AEBP2: variants seen among roughly 807,000 people sequenced by gnomAD.
AEBP2 encodes AE binding protein 2.
In AEBP2, 10 loss-of-function variants were observed where a neutral mutation model predicts 50.8. The observed-to-expected ratio is 0.20, with a 90% CI of 0.12 to 0.33. AEBP2 has a LOEUF of 0.33. Among genes scored for constraint, AEBP2 ranks in the 10% least tolerant of loss-of-function variants. The pLI is 1.00. For synonymous variants in AEBP2, 296 were observed against 261.3 expected (o/e 1.13, Z -1.28); for missense variants, 570 against 688.0 (o/e 0.83, Z 1.92).
chr12:19,460,183 T>G (rs765876483), intron 1 of AEBP2, among the ~76,000 whole-genome samples: 1 of 152,162 alleles, frequency 6.6e-6, no homozygotes, highest in Non-Finnish European at 1.5e-5. Context: ...CACTATAGGC[T>G]TGGCAACGGA....
chr12:19,457,776 C>CG, intron 1 of AEBP2: 1 of 418,416 alleles, frequency 2.4e-6, no homozygotes, highest in East Asian at 5.4e-5. Context: ...CAGCATCAAG[C>CG]GGGCACTTGT....
intron 1 of AEBP2, among the ~76,000 whole-genome samples, chr12:19,453,125 G>A (rs1948195701): frequency 6.6e-6 from 1 of 151,408 alleles, no homozygotes; most frequent in Non-Finnish European, 1.5e-5. Context: ...CCCGCCACCA[G>A]CCCCGGATGA....
upstream of AEBP2, among the ~76,000 whole-genome samples, chr12:19,434,917 A>G (rs1360805946): frequency 6.6e-6 from 1 of 152,160 alleles, no homozygotes; most frequent in Non-Finnish European, 1.5e-5. Context: ...TATAAATACC[A>G]CAGCTAAAAT....
At chr12:19,410,318 C>T (rs1031803234) in intron 1 of AEBP2, among the ~76,000 whole-genome samples, 4 of 152,180 alleles carry the variant, frequency 2.6e-5, no homozygotes, top group Non-Finnish European at 2.9e-5. Context: ...GAACTTTCTG[C>T]CACTATTCTT....
At chr12:19,450,834 C>T (rs1374800538) in intron 1 of AEBP2, among the ~76,000 whole-genome samples, 9 of 132,844 alleles carry the variant, frequency 6.8e-5, no homozygotes, top group African/African-American at 2.6e-4. Flanking sequence ...AAGAGTGAGA[C>T]ATTGTCTCAA....
chr12:19,453,213 C>T (rs1948198167), intron 1 of AEBP2, among the ~76,000 whole-genome samples: 1 of 152,064 alleles, frequency 6.6e-6, no homozygotes, highest in Non-Finnish European at 1.5e-5. Flanking sequence ...TCGTGATCCA[C>T]CCGCCTCAGC....
intron 1 of AEBP2, chr12:19,445,933 A>G (rs1948055601): frequency 6.6e-6 from 1 of 152,214 alleles, no homozygotes; most frequent in African/African-American, 2.4e-5. Context: ...GAACGTACAT[A>G]TTAAAAACAA....
intron 4 of AEBP2, among the ~76,000 whole-genome samples, chr12:19,494,838 C>G (rs533003480): frequency 6.6e-6 from 1 of 152,228 alleles, no homozygotes; most frequent in South Asian, 2.1e-4. Context: ...TAGGAACAGA[C>G]TTTGCAACCT....
intron 3 of AEBP2, among the ~76,000 whole-genome samples, chr12:19,490,370 C>A (rs1245765718): frequency 6.6e-6 from 1 of 152,106 alleles, no homozygotes; most frequent in East Asian, 1.9e-4. Context: ...ATTCAAGTAT[C>A]AAGCAATTTT....
At chr12:19,449,514 C>CT (rs1948129613) in intron 1 of AEBP2, among the ~76,000 whole-genome samples, 1 of 152,102 alleles carries the variant, frequency 6.6e-6, no homozygotes, top group Non-Finnish European at 1.5e-5. Context: ...AGAATGTAGC[C>CT]TACTTGTTTT....
chr12:19,437,941 T>C (rs1722135049), upstream of AEBP2, among the ~76,000 whole-genome samples: 1 of 152,214 alleles, frequency 6.6e-6, no homozygotes, highest in Non-Finnish European at 1.5e-5. Flanking sequence ...GTCAGTTCTA[T>C]CCTCATTTTC....
intron 4 of AEBP2, among the ~76,000 whole-genome samples, chr12:19,495,211 A>G (rs10770494): frequency 0.51 from 78,243 of 152,064 alleles, 20,992 homozygotes; most frequent in Non-Finnish European, 0.61. Context: ...GCAGCTGGTT[A>G]GTTTTAACTA....
At chr12:19,487,204 TCTC>T (rs1226000477) in intron 3 of AEBP2, among the ~76,000 whole-genome samples, 1 of 152,194 alleles carries the variant, frequency 6.6e-6, no homozygotes, top group African/African-American at 2.4e-5. Context: ...TAAATAACCT[TCTC>T]CTAGTCTTCG....
chr12:19,486,416 G>A (rs1948810544), intron 3 of AEBP2, among the ~76,000 whole-genome samples: 1 of 151,872 alleles, frequency 6.6e-6, no homozygotes, highest in Admixed American at 6.6e-5. Context: ...TTTTGAGACG[G>A]GGTCTCACTC....
chr12:19,493,371 A>G (rs1243191591), intron 3 of AEBP2, among the ~76,000 whole-genome samples: 1 of 152,242 alleles, frequency 6.6e-6, no homozygotes, highest in Non-Finnish European at 1.5e-5. Context: ...ACTGCATCCC[A>G]GCCTGGGCAA....
chr12:19,500,282 A>C (rs369353555), intron 5 of AEBP2, 61 bp downstream of exon 5: 1 of 1,331,886 alleles, frequency 7.5e-7, no homozygotes, highest in South Asian at 1.7e-5. Flanking sequence ...TATTTCCACA[A>C]TCATTTCTAA....
chr12:19,507,000 T>C (rs987395808), intron 5 of AEBP2, among the ~76,000 whole-genome samples: 3 of 152,150 alleles, frequency 2.0e-5, no homozygotes, highest in Admixed American at 6.6e-5. Flanking sequence ...TAGAGGCCTA[T>C]AGGGCATTCA....
intron 5 of AEBP2, among the ~76,000 whole-genome samples, chr12:19,507,459 C>T (rs904676346): frequency 5.3e-5 from 8 of 152,122 alleles, no homozygotes; most frequent in Non-Finnish European, 8.8e-5. Flanking sequence ...AAAAAATTTG[C>T]GCAGACTCAA....
chr12:19,485,932 T>A (rs995743191), intron 3 of AEBP2, among the ~76,000 whole-genome samples: 1 of 149,852 alleles, frequency 6.7e-6, no homozygotes, highest in Non-Finnish European at 1.5e-5. Context: ...AAGGTGATGT[T>A]TGAGGTGAGC....
Sources: allele counts gnomAD v4.1 joint callset (sites outside exome capture counted in the v4.1 genomes callset), GRCh38; gene constraint gnomAD v4.1.1; transcripts MANE v1.5; gene names NCBI Gene and HGNC (gene_info 2026-07-23, HGNC 2026-07-21).